The following USPL1 variants were observed in gnomAD, a reference collection of about 807,000 sequenced individuals.
USPL1 encodes the protein SUMO-specific isopeptidase USPL1.
A neutral mutation model predicts 51.5 loss-of-function variants in USPL1; 27 were observed. That is an observed-to-expected ratio of 0.52 (90% CI 0.39 to 0.72). The LOEUF is 0.72. USPL1 is among the 30% of genes least tolerant of loss of function. The pLI is 0.00. For synonymous variants in USPL1, 451 were observed against 459.6 expected (o/e 0.98, Z 0.24); for missense variants, 1,226 against 1,268.0 (o/e 0.97, Z 0.50).
intron 4 of USPL1, among the ~76,000 whole-genome samples, chr13:30,633,181 T>A (rs1351284074): frequency 6.6e-6 from 1 of 152,190 alleles, no homozygotes; most frequent in Non-Finnish European, 1.5e-5. Flanking sequence ...TAATATATTT[T>A]GAGAGAGAGG....
At chr13:30,652,499 A>G (rs17074806) in intron 7 of USPL1, among the ~76,000 whole-genome samples, 6,674 of 152,236 alleles carry the variant, frequency 0.044, 368 homozygotes, top group East Asian at 0.19. Flanking sequence ...ATTGGGTTCT[A>G]TTTTCTGGTT....
At chr13:30,634,034 A>G (rs2137646154) in intron 4 of USPL1, among the ~76,000 whole-genome samples, 1 of 152,286 alleles carries the variant, frequency 6.6e-6, no homozygotes, top group East Asian at 1.9e-4. Flanking sequence ...ACCTCAGCAT[A>G]TGATTTTTTT....
intron 7 of USPL1, among the ~76,000 whole-genome samples, chr13:30,649,651 G>A (rs574052562): frequency 6.6e-6 from 1 of 152,336 alleles, no homozygotes; most frequent in East Asian, 1.9e-4. Context: ...CTCTTGAAAG[G>A]TCACTGCCAC....
At chr13:30,633,784 CAAAA>C (rs61682331) in intron 4 of USPL1, among the ~76,000 whole-genome samples, 8 of 41,274 alleles carry the variant, frequency 1.9e-4, no homozygotes, top group African/African-American at 4.5e-4. Flanking sequence ...GACTCTGTCT[CAAAA>C]AAAAAAAAAA....
Position 30,659,397 on chromosome 13 carries a change from A to G in USPL1, c.*41A>G. The G allele has an allele frequency of 6.9e-7, 1 of 1,443,090 alleles. No homozygotes were observed. Among genetic ancestry groups the G allele is most frequent in the Middle Eastern group, 2.6e-4 (1 of 3,910 alleles). The allele number at this position is 1,443,090 out of a possible 1,614,324, so 89.4% of individuals were successfully genotyped here. ...CTTTTTTCATATAATATTTATTATT[A>G]TTAGAAGAACTTACAATGTGTTCAG... On this transcript the variant is annotated 3_prime_UTR_variant, in exon 9 of 9. Coordinates refer to ENST00000255304, the MANE Select transcript of USPL1 (RefSeq NM_005800.5).
chr13:30,639,222 G>GTGTATA (rs1370727785), intron 5 of USPL1, among the ~76,000 whole-genome samples: 9 of 144,370 alleles, frequency 6.2e-5, no homozygotes, highest in African/African-American at 1.8e-4. Context: ...CTCAAAAAAT[G>GTGTATA]TATATATATA....
chr13:30,644,914 G>C (rs1435518024), intron 6 of USPL1, among the ~76,000 whole-genome samples: 3 of 152,182 alleles, frequency 2.0e-5, no homozygotes, highest in Non-Finnish European at 4.4e-5. Context: ...GTAAGCAAGT[G>C]AGTATGAGAA....
chr13:30,625,747 G>T (rs985035415), intron 3 of USPL1, among the ~76,000 whole-genome samples: 1 of 152,002 alleles, frequency 6.6e-6, no homozygotes, highest in African/African-American at 2.4e-5. Flanking sequence ...CCAGCCCGGA[G>T]TTTTGGTTTT....
chr13:30,649,372 C>A (rs528880189), intron 7 of USPL1, among the ~76,000 whole-genome samples: 2 of 151,990 alleles, frequency 1.3e-5, no homozygotes, highest in Admixed American at 1.3e-4. Context: ...TAGGGCTAAC[C>A]TAAAAGTAAT....
intron 8 of USPL1, among the ~76,000 whole-genome samples, chr13:30,655,228 C>T (rs1283328489): frequency 5.3e-5 from 8 of 152,200 alleles, no homozygotes; most frequent in Non-Finnish European, 1.2e-4. Flanking sequence ...TGAGCCACCG[C>T]ACCCGGCCAT....
chr13:30,621,974 C>T (rs913079277), intron 3 of USPL1, 82 bp downstream of exon 3: 7 of 1,093,052 alleles, frequency 6.4e-6, no homozygotes, highest in East Asian at 3.4e-5. Context: ...AAAGTTTACT[C>T]ATTTTTTGTT....
intron 7 of USPL1, among the ~76,000 whole-genome samples, chr13:30,648,455 A>G (rs1951046107): frequency 6.6e-6 from 1 of 151,988 alleles, no homozygotes; most frequent in Non-Finnish European, 1.5e-5. Flanking sequence ...ACTTCCAGTC[A>G]CTATCGTAGT....
chr13:30,650,298 C>T (rs117949831), intron 7 of USPL1, among the ~76,000 whole-genome samples: 5,087 of 152,146 alleles, frequency 0.033, 139 homozygotes, highest in Non-Finnish European at 0.052. Flanking sequence ...AAATGCTGGC[C>T]GGGCATGGTG....
chr13:30,621,336 A>G, intron 2 of USPL1, 97 bp downstream of exon 2: 1 of 876,648 alleles, frequency 1.1e-6, no homozygotes, highest in Non-Finnish European at 1.8e-6. Flanking sequence ...TAACTTCTAA[A>G]AAATTGTGTC....
chr13:30,646,388 G>T (rs1023935457), intron 6 of USPL1, among the ~76,000 whole-genome samples: 3 of 151,746 alleles, frequency 2.0e-5, no homozygotes, highest in African/African-American at 7.3e-5. Flanking sequence ...AAGTTAAGTT[G>T]TATGTATTCC....
chr13:30,642,400 A>G (rs1206692819), intron 5 of USPL1, among the ~76,000 whole-genome samples: 2 of 152,182 alleles, frequency 1.3e-5, no homozygotes, highest in African/African-American at 4.8e-5. Context: ...AATGTCTGCC[A>G]AGGAAAAGGA....
chr13:30,644,499 C>T (rs1242003607), intron 6 of USPL1, among the ~76,000 whole-genome samples: 2 of 151,784 alleles, frequency 1.3e-5, no homozygotes, highest in Non-Finnish European at 2.9e-5. Flanking sequence ...AGCTAACCCT[C>T]CTGAGTTGAA....
chr13:30,626,759 T>C (rs1434242362), intron 3 of USPL1, among the ~76,000 whole-genome samples: 1 of 152,186 alleles, frequency 6.6e-6, no homozygotes, highest in Admixed American at 6.5e-5. Flanking sequence ...AAATTGAAAC[T>C]CTCAAGTGTT....
intron 8 of USPL1, among the ~76,000 whole-genome samples, chr13:30,655,624 T>C (rs567882408): frequency 6.6e-6 from 1 of 152,300 alleles, no homozygotes; most frequent in South Asian, 2.1e-4. Context: ...GATGTACTTG[T>C]ATAAGGAAAA....
Sources: allele counts gnomAD v4.1 joint callset (sites outside exome capture counted in the v4.1 genomes callset), GRCh38; gene constraint gnomAD v4.1.1; transcripts MANE v1.5; gene names NCBI Gene and HGNC (gene_info 2026-07-23, HGNC 2026-07-21).